The following PHF21A variants were observed in gnomAD, a reference collection of about 807,000 sequenced individuals.
PHF21A encodes the protein PHD finger protein 21A, also known as BHC80a.
In PHF21A, 11 loss-of-function variants were observed where a neutral mutation model predicts 82.5. That is an observed-to-expected ratio of 0.13 (90% confidence interval 0.08 to 0.22). The LOEUF is 0.22. Among genes scored for constraint, PHF21A ranks in the 10% least tolerant of loss-of-function variants. The pLI is 1.00. For synonymous variants in PHF21A, 297 were observed against 302.8 expected (o/e 0.98, Z 0.20); for missense variants, 579 against 837.8 (o/e 0.69, Z 3.81).
At chr11:46,078,814 T>C (rs902014438) in intron 5 of PHF21A, among the ~76,000 whole-genome samples, 9 of 152,134 alleles carry the variant, frequency 5.9e-5, no homozygotes, top group Admixed American at 2.0e-4. Flanking sequence ...TCAAAAACTC[T>C]GATTTTGAAT....
chr11:45,934,415 T>G, intron 18 of PHF21A, 190 bp from the exon 19 acceptor site: 2 of 557,734 alleles, frequency 3.6e-6, no homozygotes, highest in Non-Finnish European at 3.1e-6. Context: ...GCGGGTGGAG[T>G]GGGTAGGCTG....
At chr11:45,936,467 A>G in intron 17 of PHF21A, 27 bp downstream of exon 17, 2 of 1,407,298 alleles carry the variant, frequency 1.4e-6, no homozygotes, top group Non-Finnish European at 2.0e-6. Context: ...GAAGCTTACA[A>G]AAAAGTGGGT....
chr11:45,983,130 A>G (rs2094364548), intron 6 of PHF21A, among the ~76,000 whole-genome samples: 3 of 152,150 alleles, frequency 2.0e-5, no homozygotes, highest in African/African-American at 7.2e-5. Flanking sequence ...GGCTAGAGCA[A>G]GGTGACGACC....
At position 45,933,923 on chromosome 11, in the gene PHF21A, T is replaced by G. The variant is rs2088069052; in HGVS notation, c.*45A>C. 1.3e-6 allele frequency: 2 copies of G among 1,497,394 alleles called. No individual in the cohort carries two copies. Among genetic ancestry groups the G allele is most frequent in the Non-Finnish European group, 1.8e-6 (2 of 1,121,748 alleles). The allele number at this position is 1,497,394 out of a possible 1,614,324, so 92.8% of individuals were successfully genotyped here. A position where few individuals can be genotyped will look rare whatever the true frequency, so the allele number is the denominator to read the frequency against. On this transcript the variant is annotated 3_prime_UTR_variant, in exon 19 of 19. Transcript: ENST00000676320. ...TTTTCTAGAGTCTTCAGTGTTCTGT[T>G]CTCCTTGCCGCCGGGATCCCGTGGC...
chr11:46,010,443 T>C (rs533690260), intron 6 of PHF21A, among the ~76,000 whole-genome samples: 1 of 152,358 alleles, frequency 6.6e-6, no homozygotes, highest in East Asian at 1.9e-4. Context: ...TCTAAAATTA[T>C]ACAGTTAAGT....
At chr11:46,079,067 T>C in intron 5 of PHF21A, 67 bp downstream of exon 5, 1 of 978,714 alleles carries the variant, frequency 1.0e-6, no homozygotes. Context: ...TTTAAGTATT[T>C]TATGGTGATT....
intron 10 of PHF21A, among the ~76,000 whole-genome samples, chr11:45,955,804 T>C (rs980765055): frequency 9.9e-5 from 15 of 152,200 alleles, no homozygotes; most frequent in Non-Finnish European, 1.9e-4. Context: ...AGCAGCACTA[T>C]GGAGAGGCCC....
At chr11:46,048,121 C>T (rs2096283507) in intron 6 of PHF21A, among the ~76,000 whole-genome samples, 1 of 152,164 alleles carries the variant, frequency 6.6e-6, no homozygotes, top group African/African-American at 2.4e-5. Context: ...AACTCTGTGA[C>T]ATTAGTAGTC....
At chr11:45,995,427 T>C (rs375369650) in intron 6 of PHF21A, among the ~76,000 whole-genome samples, 20 of 152,200 alleles carry the variant, frequency 1.3e-4, no homozygotes, top group African/African-American at 4.8e-4. Flanking sequence ...GGTGCATACC[T>C]ATACTTCACA....
At chr11:46,001,639 T>A (rs940207055) in intron 6 of PHF21A, among the ~76,000 whole-genome samples, 2 of 152,182 alleles carry the variant, frequency 1.3e-5, no homozygotes, top group African/African-American at 4.8e-5. Flanking sequence ...CTTACATTTT[T>A]AAAATTCCAT....
intron 1 of PHF21A, among the ~76,000 whole-genome samples, chr11:46,114,176 TTC>T (rs1307884046): frequency 6.6e-6 from 1 of 152,068 alleles, no homozygotes; most frequent in East Asian, 1.9e-4. Flanking sequence ...ACAAGCCCAC[TTC>T]TCTCATCCAC....
chr11:46,068,676 A>C (rs1382821806), intron 6 of PHF21A, among the ~76,000 whole-genome samples: 2 of 152,178 alleles, frequency 1.3e-5, no homozygotes, highest in African/African-American at 4.8e-5. Flanking sequence ...TGGAAAAAAA[A>C]AATACAGTAG....
At chr11:46,001,708 T>C (rs1325685026) in intron 6 of PHF21A, among the ~76,000 whole-genome samples, 1 of 152,194 alleles carries the variant, frequency 6.6e-6, no homozygotes, top group East Asian at 1.9e-4. Flanking sequence ...ACTGGTATGA[T>C]AGGCCATGGG....
At chr11:46,093,800 T>C (rs1593131831) in intron 1 of PHF21A, among the ~76,000 whole-genome samples, 1 of 152,208 alleles carries the variant, frequency 6.6e-6, no homozygotes, top group East Asian at 1.9e-4. Context: ...ATGTTAGCTC[T>C]TTTAGGCTGG....
intron 6 of PHF21A, among the ~76,000 whole-genome samples, chr11:46,015,420 C>A (rs562874798): frequency 6.6e-6 from 1 of 152,094 alleles, no homozygotes; most frequent in East Asian, 1.9e-4. Context: ...TTTGCCTAGG[C>A]CAATTTCCAG....
rs914270992 is a variant in PHF21A, at chr11:45,953,714, G to C, written c.997-89C>G. 38 of 762,954 alleles carry C rather than the reference G, an allele frequency of 5.0e-5. No individual in the cohort carries two copies. The Middle Eastern group carries it at 1.1e-3, about 22-fold the overall frequency. The allele number at this position is 762,954 out of a possible 1,614,324, so 47.3% of individuals were successfully genotyped here. On this transcript the variant is annotated intron_variant, in intron 10 of 18. Coordinates refer to ENST00000676320, the MANE Select transcript of PHF21A (RefSeq NM_001352027.3). ...GAAGTTTAATAGTAGTAGTCAAGAAGAAAGAAGACAACATATTCAAATGTG... is the reference window on the plus strand; with the variant it reads ...GAAGTTTAATAGTAGTAGTCAAGAACAAAGAAGACAACATATTCAAATGTG...
At chr11:46,071,672 T>A (rs2096657834) in intron 6 of PHF21A, among the ~76,000 whole-genome samples, 1 of 151,396 alleles carries the variant, frequency 6.6e-6, no homozygotes, top group Non-Finnish European at 1.5e-5. Context: ...CCTAAGACCA[T>A]CAGAGAGAAA....
chr11:45,950,150 C>T (rs1242349996), intron 12 of PHF21A, 56 bp downstream of exon 12: 4 of 1,325,270 alleles, frequency 3.0e-6, no homozygotes, highest in Non-Finnish European at 4.3e-6. Flanking sequence ...ACATCATTTT[C>T]AGGAACAAAG....
intron 6 of PHF21A, among the ~76,000 whole-genome samples, chr11:46,074,714 G>T (rs1176012827): frequency 6.6e-6 from 1 of 152,168 alleles, no homozygotes; most frequent in Non-Finnish European, 1.5e-5. Flanking sequence ...CGTTGGCCAG[G>T]CTAGTCTCGA....
Sources: allele counts gnomAD v4.1 joint callset (sites outside exome capture counted in the v4.1 genomes callset), GRCh38; gene constraint gnomAD v4.1.1; transcripts MANE v1.5; gene names NCBI Gene and HGNC (gene_info 2026-07-23, HGNC 2026-07-21).